DOCK2: variants seen among roughly 807,000 people sequenced by gnomAD.
DOCK2 encodes dedicator of cytokinesis 2, also known as dedicator of cytokinesis protein 2.
DOCK2 carries 87 observed loss-of-function variants against 248.9 expected under a neutral mutation model. That is an observed-to-expected ratio of 0.35 (90% CI 0.29 to 0.42). The LOEUF (loss-of-function observed/expected upper bound fraction) is 0.42. Among genes scored for constraint, DOCK2 ranks in the 10% least tolerant of loss-of-function variants. The pLI is 1.00. For missense variants in DOCK2, 1,747 were observed against 2,300.2 expected (o/e 0.76, Z 4.92); for synonymous variants, 805 against 821.6 (o/e 0.98, Z 0.35).
At chr5:169,809,011 A>G (rs1249302768) in intron 26 of DOCK2, among the ~76,000 whole-genome samples, 1 of 149,784 alleles carries the variant, frequency 6.7e-6, no homozygotes, top group Non-Finnish European at 1.5e-5. Flanking sequence ...TTTTTCTTTG[A>G]GATAAGGTCT....
chr5:169,710,642 C>T (rs1236130985), intron 15 of DOCK2, among the ~76,000 whole-genome samples: 1 of 152,132 alleles, frequency 6.6e-6, no homozygotes, highest in South Asian at 2.1e-4. Flanking sequence ...ATTCTTTATT[C>T]CCCCCGGGCT....
chr5:169,969,471 G>T (rs1777422830), intron 27 of DOCK2, among the ~76,000 whole-genome samples: 1 of 152,106 alleles, frequency 6.6e-6, no homozygotes, highest in Non-Finnish European at 1.5e-5. Flanking sequence ...AGAAAAAAAT[G>T]AATTGGACTT....
chr5:169,795,303 G>A (rs969002058), intron 25 of DOCK2, among the ~76,000 whole-genome samples: 3 of 152,188 alleles, frequency 2.0e-5, no homozygotes, highest in African/African-American at 7.2e-5. Context: ...TACCTGGAGA[G>A]AATTTTAACC....
chr5:169,665,661 A>C (rs376562050), intron 2 of DOCK2, among the ~76,000 whole-genome samples: 16 of 152,184 alleles, frequency 1.1e-4, no homozygotes, highest in African/African-American at 3.9e-4. Context: ...AGATGCATAC[A>C]CTTTTTAACT....
rs60140740 is a variant in DOCK2 at position 169,800,944 on chromosome 5, C to CTTTTTTTTTTTTTTTTTTTTTTT, written c.2555-2107_2555-2085dup. ...TTTTTCTTTTTTCTTTTCTTTCTTT[C>CTTTTTTTTTTTTTTTTTTTTTTT]TTTTTTTTTTTTTTTTTTTTTTTTT... On this transcript the variant is annotated intron_variant, in intron 25 of 51. Transcript: ENST00000520908. 2.3e-4 allele frequency among the ~76,000 whole-genome samples: 12 copies of CTTTTTTTTTTTTTTTTTTTTTTT among 53,194 alleles called. 1 individual carries two copies. The highest frequency in any genetic ancestry group is 8.4e-4 in the African/African-American group (6 of 7,136). The allele number at this position is 53,194 out of a possible 152,430, so 34.9% of individuals were successfully genotyped here. A position where few individuals can be genotyped will look rare whatever the true frequency, so the allele number is the denominator to read the frequency against.
In DOCK2 at chr5:170,056,617, A is replaced by G. The variant is rs1757140527; in HGVS notation, c.4296-67A>G. ...TGTAATGAACCTCCCTGGACAGTGC[A>G]GGGTCAGATCGGGTGTCAGCAGCCG... On this transcript the variant is annotated intron_variant, in intron 42 of 51. Transcript: ENST00000520908. 3 of 1,338,250 alleles carry G rather than the reference A, an allele frequency of 2.2e-6. No individual in the cohort carries two copies. The African/African-American group carries it at 4.3e-5, about 19-fold the overall frequency. 82.9% of individuals were successfully genotyped at this position (1,338,250 alleles called of 1,614,324 possible).
intron 1 of DOCK2, among the ~76,000 whole-genome samples, chr5:169,638,765 T>C (rs1756989143): frequency 6.6e-6 from 1 of 152,190 alleles, no homozygotes; most frequent in Non-Finnish European, 1.5e-5. Flanking sequence ...GCAATCTCTG[T>C]CTGACTTCAG....
Position 169,708,278 on chromosome 5 carries a change from A to G in DOCK2, c.1482+11A>G. On this transcript the variant is annotated intron_variant, in intron 15 of 51. Transcript: ENST00000520908. ...ATGGAAACAGTCAAGGTAATAATTA[A>G]TAATAGCAGCAAACACATGTCTAGT... is the stretch of plus-strand genomic sequence containing the variant. The G allele has an allele frequency of 1.9e-6, 3 of 1,611,392 alleles. No individual in the cohort carries two copies. Among genetic ancestry groups the G allele is most frequent in the Non-Finnish European group, 2.5e-6 (3 of 1,178,346 alleles).
intron 26 of DOCK2, among the ~76,000 whole-genome samples, chr5:169,812,679 T>C (rs1767829147): frequency 6.6e-6 from 1 of 152,270 alleles, no homozygotes; most frequent in Non-Finnish European, 1.5e-5. Flanking sequence ...GCCTTATGCC[T>C]GGCAAATAAT....
At chr5:169,757,113 A>C (rs758392654) in intron 23 of DOCK2, among the ~76,000 whole-genome samples, 5 of 152,130 alleles carry the variant, frequency 3.3e-5, no homozygotes, top group Non-Finnish European at 7.4e-5. Flanking sequence ...ATTGATAGGA[A>C]TAACTGAGTC....
intron 25 of DOCK2, among the ~76,000 whole-genome samples, chr5:169,770,769 A>G (rs1034381226): frequency 6.6e-6 from 1 of 152,232 alleles, no homozygotes; most frequent in South Asian, 2.1e-4. Context: ...GGAATCATCC[A>G]TATTACTGAT....
intron 50 of DOCK2, 72 bp from the exon 51 acceptor site, chr5:170,081,770 C>CCGGGG: frequency 7.3e-7 from 1 of 1,370,330 alleles, no homozygotes; most frequent in Non-Finnish European, 9.7e-7. Context: ...AGCCCTCCCC[C>CCGGGG]TGTCTACCTC....
intron 27 of DOCK2, among the ~76,000 whole-genome samples, chr5:169,857,945 G>T (rs1056049031): frequency 1.3e-5 from 2 of 152,036 alleles, no homozygotes; most frequent in Non-Finnish European, 2.9e-5. Flanking sequence ...AGATCCTTTT[G>T]GTTTTGGTGG....
chr5:169,769,476 G>A (rs1335501806), intron 25 of DOCK2, among the ~76,000 whole-genome samples: 1 of 152,196 alleles, frequency 6.6e-6, no homozygotes, highest in Non-Finnish European at 1.5e-5. Flanking sequence ...TGGCTGCCAG[G>A]GTACCTGATG....
At chr5:169,720,811 A>G (rs967233322) in intron 22 of DOCK2, among the ~76,000 whole-genome samples, 13 of 152,168 alleles carry the variant, frequency 8.5e-5, no homozygotes, top group African/African-American at 3.1e-4. Context: ...GCTCACTGCG[A>G]TCTCCGCCTC....
intron 6 of DOCK2, 97 bp from the exon 7 acceptor site, chr5:169,681,647 C>A (rs1051609728): frequency 2.1e-6 from 3 of 1,422,910 alleles, no homozygotes; most frequent in Non-Finnish European, 2.8e-6. Flanking sequence ...GACTATATGA[C>A]CCCCAGAAAT....
intron 1 of DOCK2, among the ~76,000 whole-genome samples, chr5:169,647,630 C>A (rs1416760818): frequency 6.6e-6 from 1 of 152,100 alleles, no homozygotes; most frequent in Non-Finnish European, 1.5e-5. Flanking sequence ...ATTAAGATGG[C>A]CCTGCCATTC....
In DOCK2 at chr5:170,080,154, T is replaced by C. The variant is rs1757977801; in HGVS notation, c.5167-9T>C. 1 of 1,613,944 alleles carries C rather than the reference T, an allele frequency of 6.2e-7. No individual in the cohort carries two copies. The highest frequency in any genetic ancestry group is 1.7e-5 in the Admixed American group (1 of 60,006). ...TGTGTGTGTGTGTGTGTCTGGTGTATTCCTCCAGCTTTCCAGGAAGCATGA... is the reference window on the plus strand; with the variant it reads ...TGTGTGTGTGTGTGTGTCTGGTGTACTCCTCCAGCTTTCCAGGAAGCATGA... On this transcript the variant is annotated splice_polypyrimidine_tract_variant and intron_variant, in intron 49 of 51. Transcript: ENST00000520908.
At chr5:170,058,120 A>C (rs1299020253) in intron 44 of DOCK2, among the ~76,000 whole-genome samples, 1 of 152,114 alleles carries the variant, frequency 6.6e-6, no homozygotes, top group Non-Finnish European at 1.5e-5. Context: ...CAAATGTTTG[A>C]TCTCCCTTGT....
Sources: gnomAD v4.1 joint callset for allele counts (sites outside exome capture counted in the v4.1 genomes callset) on GRCh38, gnomAD v4.1.1 for gene constraint, MANE v1.5 for transcripts, NCBI Gene and HGNC (gene_info 2026-07-23, HGNC 2026-07-21) for gene names.